The following EFNA5 variants were observed in gnomAD, a reference collection of about 807,000 sequenced individuals.
EFNA5 encodes ephrin A5.
Under a neutral mutation model 22.9 loss-of-function variants are expected in EFNA5, and 5 were observed. The ratio of observed to expected loss-of-function variants is 0.22; its 90% CI spans 0.11 to 0.46. EFNA5 has a LOEUF of 0.46. Among genes scored for constraint, EFNA5 ranks in the 20% least tolerant of loss-of-function variants. The probability of loss-of-function intolerance (pLI) is 0.99; values close to 1 mark genes in which losing one functional copy is unlikely to be tolerated. For synonymous variants in EFNA5, 113 were observed against 112.2 expected, an observed-to-expected ratio of 1.01 and a Z score of -0.04; for missense variants, 237 against 293.3, an observed-to-expected ratio of 0.81 and a Z score of 1.40.
chr5:107,606,582 C>CACACACAG (rs1554069066), intron 1 of EFNA5, among the ~76,000 whole-genome samples: 8 of 143,502 alleles, frequency 5.6e-5, no homozygotes, highest in African/African-American at 2.0e-4. Context: ...CACACACACA[C>CACACACAG]AGAGCTAGTA....
At chr5:107,572,438 T>G (rs1465365491) in intron 1 of EFNA5, among the ~76,000 whole-genome samples, 1 of 152,152 alleles carries the variant, frequency 6.6e-6, no homozygotes, top group Admixed American at 6.6e-5. Context: ...ACAAACCTGC[T>G]TGCTGCTTTG....
rs70996959 is a variant in EFNA5, at chr5:107,424,198, A to ATTTTT, written c.418+3014_418+3018dup. Reference sequence around the variant, plus strand: ...TATAGCTTTCTTTTTTCTTTCTTTCATTTTTTTTTTTTTTTTTTTTTTTTT... The same window carrying ATTTTT: ...TATAGCTTTCTTTTTTCTTTCTTTCATTTTTTTTTTTTTTTTTTTTTTTTTTTTTT... On this transcript the variant is annotated intron_variant, in intron 2 of 4. Coordinates refer to ENST00000333274, the MANE Select transcript of EFNA5 (RefSeq NM_001962.3). Among the ~76,000 whole-genome samples the ATTTTT allele has an allele frequency of 1.8e-3, 174 of 95,698 alleles. 1 individual carries two copies. Among genetic ancestry groups the ATTTTT allele is most frequent in the Non-Finnish European group, 3.1e-3 (152 of 49,672 alleles). The allele number at this position is 95,698 out of a possible 152,430, so 62.8% of individuals were successfully genotyped here.
intron 1 of EFNA5, among the ~76,000 whole-genome samples, chr5:107,428,190 C>T (rs1057258796): frequency 1.9e-4 from 29 of 152,288 alleles, no homozygotes; most frequent in African/African-American, 6.5e-4. Context: ...AGATCTGCTA[C>T]GTCAGAAACT....
rs113531830 is a variant in EFNA5, at chr5:107,606,597, G to A, written c.125+63892C>T. The stretch of plus-strand genomic sequence containing the variant: ...CACACACACACAGAGCTAGTAATGC[G>A]GTATAGCAGAATTTTTATCTGAGCC... On this transcript the variant is annotated intron_variant, in intron 1 of 4. Transcript: ENST00000333274. Among the ~76,000 whole-genome samples the A allele has an allele frequency of 2.4e-3, 362 of 150,080 alleles. 2 individuals carry two copies. The highest frequency in any genetic ancestry group is 7.2e-3 in the African/African-American group (293 of 40,846).
At position 107,379,344 on chromosome 5, in the gene EFNA5, A is replaced by T. The variant is rs1230825725; in HGVS notation, c.*1911T>A. 1.3e-5 allele frequency: 2 copies of T among 152,082 alleles called. No homozygotes were observed. Among genetic ancestry groups the T allele is most frequent in the Non-Finnish European group, 2.9e-5 (2 of 68,008 alleles). The allele number at this position is 152,082 out of a possible 1,614,324, so 9.4% of individuals were successfully genotyped here. On this transcript the variant is annotated 3_prime_UTR_variant, in exon 5 of 5. Coordinates refer to ENST00000333274, the MANE Select transcript of EFNA5 (RefSeq NM_001962.3). ...TCACATACTTTTCTAATTCAGAACT[A>T]CTCACAATTCTAAGCAAATTCCCAT...
chr5:107,642,961 C>T (rs1750558350), intron 1 of EFNA5, among the ~76,000 whole-genome samples: 2 of 149,306 alleles, frequency 1.3e-5, no homozygotes, highest in Non-Finnish European at 3.0e-5. Context: ...CTAATCTAGA[C>T]GATCTTGAAG....
intron 2 of EFNA5, among the ~76,000 whole-genome samples, chr5:107,423,065 T>C (rs879652180): frequency 1.3e-5 from 2 of 152,184 alleles, no homozygotes; most frequent in Non-Finnish European, 2.9e-5. Context: ...AGATAAAATA[T>C]AATAAAATTA....
chr5:107,610,361 C>G (rs573195597), intron 1 of EFNA5, among the ~76,000 whole-genome samples: 1 of 152,212 alleles, frequency 6.6e-6, no homozygotes, highest in African/African-American at 2.4e-5. Context: ...GCACCCGCCC[C>G]GCTTGAAGAA....
At chr5:107,511,002 TTG>T (rs71644591) in intron 1 of EFNA5, among the ~76,000 whole-genome samples, 3,332 of 140,250 alleles carry the variant, frequency 0.024, 85 homozygotes, top group African/African-American at 0.062. Flanking sequence ...TTCTTTTTCT[TTG>T]TGTGTGTGTG....
intron 1 of EFNA5, among the ~76,000 whole-genome samples, chr5:107,519,797 A>C (rs1285330538): frequency 6.6e-6 from 1 of 152,224 alleles, no homozygotes; most frequent in Non-Finnish European, 1.5e-5. Context: ...ATTTTAAGAA[A>C]AGGAGAGCAG....
At chr5:107,436,118 T>C (rs1749102972) in intron 1 of EFNA5, among the ~76,000 whole-genome samples, 1 of 152,262 alleles carries the variant, frequency 6.6e-6, no homozygotes. Flanking sequence ...CTACAAGTCA[T>C]GTCAGTCTGA....
rs1013689722 is a variant in EFNA5, at chr5:107,380,908, C to A, written c.*347G>T. 1.4e-5 allele frequency: 6 copies of A among 436,638 alleles called. No individual in the cohort carries two copies. The highest frequency in any genetic ancestry group is 3.9e-5 in the African/African-American group (2 of 51,092). The allele number at this position is 436,638 out of a possible 1,614,324, so 27.0% of individuals were successfully genotyped here. ...TTGTCCATAGCCCGCTGACACAGTG[C>A]GCTAACGGAGGTGAGTTCTTAGAGG... On this transcript the variant is annotated 3_prime_UTR_variant, in exon 5 of 5. Transcript: ENST00000333274.
intron 1 of EFNA5, among the ~76,000 whole-genome samples, chr5:107,448,003 C>T (rs1580457609): frequency 6.6e-6 from 1 of 152,082 alleles, no homozygotes; most frequent in African/African-American, 2.4e-5. Flanking sequence ...CCTGCCACCA[C>T]GCCGGGCTAA....
chr5:107,434,111 G>C (rs1233618699), intron 1 of EFNA5, among the ~76,000 whole-genome samples: 1 of 152,176 alleles, frequency 6.6e-6, no homozygotes, highest in Non-Finnish European at 1.5e-5. Flanking sequence ...TAAGCTGTAA[G>C]AGCTTTGTCC....
chr5:107,472,171 C>A (rs1224310995), intron 1 of EFNA5, among the ~76,000 whole-genome samples: 8 of 152,122 alleles, frequency 5.3e-5, no homozygotes, highest in African/African-American at 1.9e-4. Context: ...CAAATCCATT[C>A]TCTACAATGC....
intron 1 of EFNA5, among the ~76,000 whole-genome samples, chr5:107,627,635 C>CAAAAAAAAA (rs758660866): frequency 1.4e-5 from 1 of 72,082 alleles, no homozygotes; most frequent in African/African-American, 5.1e-5. Context: ...GACCACATCT[C>CAAAAAAAAA]AAAAAAAAAA....
intron 1 of EFNA5, among the ~76,000 whole-genome samples, chr5:107,465,713 G>C (rs892232246): frequency 6.6e-5 from 10 of 152,034 alleles, no homozygotes; most frequent in Admixed American, 4.6e-4. Context: ...TCAATCTCTG[G>C]CTAGTCCAGA....
At chr5:107,591,432 T>A (rs2112502827) in intron 1 of EFNA5, among the ~76,000 whole-genome samples, 1 of 152,272 alleles carries the variant, frequency 6.6e-6, no homozygotes, top group Middle Eastern at 3.4e-3. Context: ...CACAGCATCC[T>A]ATTTTCTTCC....
chr5:107,632,368 A>G (rs17160285), intron 1 of EFNA5, among the ~76,000 whole-genome samples: 3,701 of 152,328 alleles, frequency 0.024, 153 homozygotes, highest in African/African-American at 0.085. Flanking sequence ...TAAAAAAATT[A>G]TAACACGTTA....
Sources: allele counts gnomAD v4.1 joint callset (sites outside exome capture counted in the v4.1 genomes callset), GRCh38; gene constraint gnomAD v4.1.1; transcripts MANE v1.5; gene names NCBI Gene and HGNC (gene_info 2026-07-23, HGNC 2026-07-21).